EML5: variants seen among roughly 807,000 people sequenced by gnomAD.
EML5 encodes EMAP like 5.
A neutral mutation model predicts 250.0 loss-of-function variants in EML5; 120 were observed. The ratio of observed to expected loss-of-function variants is 0.48; its 90% CI spans 0.41 to 0.56. The LOEUF is 0.56. Among genes scored for constraint, EML5 ranks in the 20% least tolerant of loss-of-function variants. The pLI is 0.00. For synonymous variants in EML5, 771 were observed against 806.5 expected, an observed-to-expected ratio of 0.96 and a Z score of 0.75; for missense variants, 2,006 against 2,437.6, an observed-to-expected ratio of 0.82 and a Z score of 3.73.
At chr14:88,642,369 TC>T (rs1385217296) in intron 31 of EML5, among the ~76,000 whole-genome samples, 26 of 152,288 alleles carry the variant, frequency 1.7e-4, no homozygotes, top group African/African-American at 5.5e-4. Context: ...TAAATGAACA[TC>T]AAGAAATAAT....
chr14:88,734,269 G>A (rs1321144343), intron 7 of EML5, among the ~76,000 whole-genome samples: 1 of 152,064 alleles, frequency 6.6e-6, no homozygotes, highest in Non-Finnish European at 1.5e-5. Flanking sequence ...ACAAATAATT[G>A]ATGAGAAGAA....
chr14:88,616,495 G>A, intron 42 of EML5: 1 of 604,228 alleles, frequency 1.7e-6, no homozygotes. Context: ...ACTGATTATA[G>A]GTTTGGTGAA....
chr14:88,706,204 G>A, intron 11 of EML5, 55 bp downstream of exon 11: 1 of 1,452,934 alleles, frequency 6.9e-7, no homozygotes, highest in Non-Finnish European at 9.2e-7. Flanking sequence ...GTTATTTGGG[G>A]GTTACTGAAG....
At chr14:88,691,889 T>C (rs1384496865) in intron 17 of EML5, among the ~76,000 whole-genome samples, 1 of 152,200 alleles carries the variant, frequency 6.6e-6, no homozygotes, top group Non-Finnish European at 1.5e-5. Context: ...ACTATACGTC[T>C]AATCAAACTT....
chr14:88,682,894 C>G (rs1480195904), intron 20 of EML5, among the ~76,000 whole-genome samples: 1 of 152,172 alleles, frequency 6.6e-6, no homozygotes. Flanking sequence ...CTGAGATACT[C>G]AAAGATAAGG....
chr14:88,779,279 C>A (rs536154720), intron 1 of EML5, among the ~76,000 whole-genome samples: 1 of 152,184 alleles, frequency 6.6e-6, no homozygotes, highest in African/African-American at 2.4e-5. Context: ...AAAGAAAAAG[C>A]GAAACTATGA....
At position 88,687,328 on chromosome 14, in the gene EML5, C is replaced by CT. The variant is rs973674794; in HGVS notation, c.2743-2dup. 1.3e-5 allele frequency: 20 copies of CT among 1,573,630 alleles called. No homozygotes were observed. The highest frequency in any genetic ancestry group is 1.7e-5 in the Non-Finnish European group (20 of 1,165,662). On this transcript the variant is annotated splice_acceptor_variant, in intron 18 of 43. Transcript: ENST00000554922. LOFTEE classifies it high-confidence loss of function. Reference sequence around the variant, plus strand: ...CATCTTTTCCTCCAGTTACAAACCCCTATGGAAAAAAAAAGGTTCAAGTTA... The same window carrying CT: ...CATCTTTTCCTCCAGTTACAAACCCCTTATGGAAAAAAAAAGGTTCAAGTTA...
chr14:88,759,394 T>C (rs1024523059), intron 1 of EML5, among the ~76,000 whole-genome samples: 3 of 152,010 alleles, frequency 2.0e-5, no homozygotes, highest in Non-Finnish European at 4.4e-5. Context: ...GCTTGAAAAC[T>C]GGGGAGGAAG....
chr14:88,690,547 A>C (rs1250590640), intron 17 of EML5, among the ~76,000 whole-genome samples: 2 of 152,236 alleles, frequency 1.3e-5, no homozygotes, highest in Non-Finnish European at 2.9e-5. Flanking sequence ...GGTGAAAAAA[A>C]CTAGATTAGA....
chr14:88,765,093 G>A (rs2094303135), intron 1 of EML5, among the ~76,000 whole-genome samples: 1 of 151,442 alleles, frequency 6.6e-6, no homozygotes, highest in Non-Finnish European at 1.5e-5. Context: ...TTGTAACAAG[G>A]GTATTATATT....
At chr14:88,755,312 T>TATTC (rs1417198009) in intron 1 of EML5, among the ~76,000 whole-genome samples, 2 of 152,210 alleles carry the variant, frequency 1.3e-5, no homozygotes, top group African/African-American at 4.8e-5. Context: ...CCTCATTTAG[T>TATTC]ATTCACCTGT....
At chr14:88,649,565 T>A (rs1699280824) in intron 28 of EML5, among the ~76,000 whole-genome samples, 2 of 152,242 alleles carry the variant, frequency 1.3e-5, no homozygotes, top group Admixed American at 1.3e-4. Flanking sequence ...TTAAATCATG[T>A]TAACAGGTTT....
chr14:88,664,799 TAAC>T (rs1394713498), intron 22 of EML5, among the ~76,000 whole-genome samples, 175 bp from the exon 23 acceptor site: 8 of 152,296 alleles, frequency 5.3e-5, no homozygotes, highest in South Asian at 4.1e-4. Context: ...ATATTATACT[TAAC>T]AAAATAATTT....
At chr14:88,649,287 C>T (rs891365423) in intron 28 of EML5, among the ~76,000 whole-genome samples, 1 of 152,256 alleles carries the variant, frequency 6.6e-6, no homozygotes, top group Admixed American at 6.5e-5. Context: ...CCTCTCACTT[C>T]GGCCTTCCCA....
chr14:88,766,971 T>A (rs954994871), intron 1 of EML5, among the ~76,000 whole-genome samples: 1 of 152,238 alleles, frequency 6.6e-6, no homozygotes, highest in African/African-American at 2.4e-5. Context: ...AAATTCAACA[T>A]GTAGGTCATC....
intron 4 of EML5, among the ~76,000 whole-genome samples, chr14:88,743,084 A>T (rs1294314068): frequency 6.6e-6 from 1 of 152,092 alleles, no homozygotes; most frequent in Non-Finnish European, 1.5e-5. Flanking sequence ...TATAAAACAA[A>T]ACCCAGAGCT....
intron 31 of EML5, among the ~76,000 whole-genome samples, chr14:88,639,998 G>C (rs905419387): frequency 6.6e-6 from 1 of 152,176 alleles, no homozygotes; most frequent in African/African-American, 2.4e-5. Context: ...AGATAGACTT[G>C]TGGAAGTAAA....
At chr14:88,650,016 C>T in intron 27 of EML5, 90 bp from the exon 28 acceptor site, 1 of 820,872 alleles carries the variant, frequency 1.2e-6, no homozygotes, top group Non-Finnish European at 1.8e-6. Flanking sequence ...AGAAGAAAGG[C>T]AACATGTCAA....
chr14:88,706,054 G>T lies in EML5; in HGVS notation c.1825+205C>A, dbSNP rs184448063. 1.2e-4 allele frequency among the ~76,000 whole-genome samples: 19 copies of T among 152,098 alleles called. 1 individual carries two copies. The highest frequency in any genetic ancestry group is 4.6e-4 in the African/African-American group (19 of 41,512). On this transcript the variant is annotated intron_variant, in intron 11 of 43. Transcript: ENST00000554922. The stretch of plus-strand genomic sequence containing the variant: ...CACTCATTATTTGATAGATTAAAAC[G>T]CAATCAAAATTACTTTGTATTTCAC...
Sources: gnomAD v4.1 joint callset for allele counts (sites outside exome capture counted in the v4.1 genomes callset) on GRCh38, gnomAD v4.1.1 for gene constraint, MANE v1.5 for transcripts, NCBI Gene and HGNC (gene_info 2026-07-23, HGNC 2026-07-21) for gene names.